Variants in ESRP1 observed in about 807,000 individuals in gnomAD.
The protein encoded by ESRP1 is RNA-binding motif protein 35A.
A neutral mutation model predicts 81.7 loss-of-function variants in ESRP1; 33 were observed. The ratio of observed to expected loss-of-function variants is 0.40; its 90% CI spans 0.31 to 0.54. ESRP1 has a LOEUF of 0.54. Among genes scored for constraint, ESRP1 ranks in the 20% least tolerant of loss-of-function variants. The pLI is 0.41. For synonymous variants in ESRP1, 320 were observed against 303.3 expected (o/e 1.06, Z -0.57); for missense variants, 672 against 833.1 (o/e 0.81, Z 2.38).
At chr8:94,652,888 T>G (rs974168126) in intron 4 of ESRP1, among the ~76,000 whole-genome samples, 2 of 152,216 alleles carry the variant, frequency 1.3e-5, no homozygotes, top group Non-Finnish European at 2.9e-5. Flanking sequence ...CTTTAAGTTA[T>G]ATGCTCTAGC....
At chr8:94,670,246 C>A (rs1227593966) in intron 10 of ESRP1, among the ~76,000 whole-genome samples, 1 of 152,172 alleles carries the variant, frequency 6.6e-6, no homozygotes, top group Non-Finnish European at 1.5e-5. Context: ...TCATTTTATT[C>A]AGTAAATATT....
In ESRP1 at chr8:94,698,871, A is replaced by T. The variant is rs149223158; in HGVS notation, c.*35+1910A>T. 6.4e-3 allele frequency among the ~76,000 whole-genome samples: 977 copies of T among 152,308 alleles called. 10 individuals carry two copies. Among genetic ancestry groups the T allele is most frequent in the African/African-American group, 0.022 (914 of 41,580 alleles). ...TGTGGAAACCCCAGTTCTAAGTTGGAAGTGAAGATTTTTTTCAGATCTGTC... is the reference window on the plus strand; with the variant it reads ...TGTGGAAACCCCAGTTCTAAGTTGGTAGTGAAGATTTTTTTCAGATCTGTC... On this transcript the variant is annotated intron_variant, in intron 15 of 15. Coordinates refer to ENST00000433389, the MANE Select transcript of ESRP1 (RefSeq NM_017697.4).
intron 10 of ESRP1, among the ~76,000 whole-genome samples, chr8:94,670,901 T>C (rs139551627): frequency 6.6e-6 from 1 of 152,374 alleles, no homozygotes; most frequent in African/African-American, 2.4e-5. Context: ...CTTGTGCTAT[T>C]ATTCAGCATT....
At chr8:94,644,743 T>C (rs1385498044) in intron 3 of ESRP1, among the ~76,000 whole-genome samples, 1 of 152,168 alleles carries the variant, frequency 6.6e-6, no homozygotes, top group African/African-American at 2.4e-5. Context: ...CCACAGCTAT[T>C]AGAATTTTGA....
intron 15 of ESRP1, among the ~76,000 whole-genome samples, chr8:94,700,937 ATG>A (rs1158857032): frequency 3.2e-5 from 4 of 125,688 alleles, no homozygotes; most frequent in South Asian, 5.0e-4. Context: ...TCAAAAAAAA[ATG>A]TGTGTGTGTG....
At chr8:94,679,861 C>CT (rs1424077619) in intron 13 of ESRP1, among the ~76,000 whole-genome samples, 3 of 151,890 alleles carry the variant, frequency 2.0e-5, no homozygotes, top group Non-Finnish European at 2.9e-5. Context: ...TTCCTTCTTT[C>CT]TTTTTTTTAA....
At chr8:94,655,784 G>T (rs1270457032) in intron 4 of ESRP1, 1 of 152,126 alleles carries the variant, frequency 6.6e-6, no homozygotes, top group African/African-American at 2.4e-5. Context: ...CCAGCTACTT[G>T]GGAGGTCGAG....
At chr8:94,704,766 G>GGAAA (rs1809991642) in intron 15 of ESRP1, among the ~76,000 whole-genome samples, 1 of 108,752 alleles carries the variant, frequency 9.2e-6, no homozygotes. Flanking sequence ...ATCTCTTTTT[G>GGAAA]AAAAAAAAAA....
chr8:94,656,294 C>A (rs1222983172), intron 4 of ESRP1: 1 of 152,166 alleles, frequency 6.6e-6, no homozygotes, highest in Non-Finnish European at 1.5e-5. Flanking sequence ...TCCCGGCTCA[C>A]TGCAAGCTCC....
At chr8:94,670,353 A>C (rs751093045) in intron 10 of ESRP1, among the ~76,000 whole-genome samples, 1 of 151,882 alleles carries the variant, frequency 6.6e-6, no homozygotes, top group African/African-American at 2.4e-5. Flanking sequence ...TTGTTCTTCT[A>C]ATGTTTTTGC....
At chr8:94,704,787 A>C (rs1046395057) in intron 15 of ESRP1, among the ~76,000 whole-genome samples, 8 of 104,716 alleles carry the variant, frequency 7.6e-5, no homozygotes, top group East Asian at 2.4e-4. Flanking sequence ...AAAAAAAAAA[A>C]AAAAAACTGC....
intron 6 of ESRP1, among the ~76,000 whole-genome samples, chr8:94,664,141 T>TTTTTG (rs138058879): frequency 0.11 from 13,133 of 122,240 alleles, 569 homozygotes; most frequent in Non-Finnish European, 0.17. Flanking sequence ...TTTTTTTTTT[T>TTTTTG]GAGAGGGAGT....
At chr8:94,687,340 G>A (rs7814238) in intron 13 of ESRP1, among the ~76,000 whole-genome samples, 51,949 of 152,010 alleles carry the variant, frequency 0.34, 9,518 homozygotes, top group East Asian at 0.56. Context: ...TCAGTTGATG[G>A]CTATTTAGAG....
At position 94,671,568 on chromosome 8, in the gene ESRP1, G is replaced by A. The variant is rs367986548; in HGVS notation, c.1349G>A (p.Arg450Gln). Residue 450 changes from arginine to glutamine, a missense_variant, in exon 11 of 16, where the codon CGA becomes CAA. Arg to Gln is a conservative substitution (Grantham distance 43). Transcript: ENST00000433389. Reference sequence around the variant, plus strand: ...AATGTTAGAGACTGTATACGCCTTCGAGGTCTTCCCTATGCAGCCACAATT... The same window carrying A: ...AATGTTAGAGACTGTATACGCCTTCAAGGTCTTCCCTATGCAGCCACAATT... ...PTNVRDCIRLRGLPYAATIED... is the reference protein window; with the variant it reads ...PTNVRDCIRLQGLPYAATIED... 6 of 1,613,692 alleles carry A rather than the reference G, an allele frequency of 3.7e-6. No homozygotes were observed. Among genetic ancestry groups the A allele is most frequent in the Non-Finnish European group, 5.1e-6 (6 of 1,179,866 alleles).
chr8:94,703,494 C>T (rs1029593744), intron 15 of ESRP1, among the ~76,000 whole-genome samples: 42 of 152,110 alleles, frequency 2.8e-4, no homozygotes, highest in Non-Finnish European at 4.7e-4. Flanking sequence ...CATTAAAAAA[C>T]GGTTCGAGAA....
intron 4 of ESRP1, among the ~76,000 whole-genome samples, chr8:94,651,394 A>G (rs556703295): frequency 1.3e-5 from 2 of 151,998 alleles, no homozygotes; most frequent in African/African-American, 4.8e-5. Context: ...TGCCAGGCCA[A>G]TGTTGTGTAT....
At position 94,671,640 on chromosome 8, in the gene ESRP1, C is replaced by T. The variant is rs762976341; in HGVS notation, c.1421C>T (p.Thr474Ile). 3 of 1,613,890 alleles carry T rather than the reference C, an allele frequency of 1.9e-6. No homozygotes were observed. Among genetic ancestry groups the T allele is most frequent in the Non-Finnish European group, 2.5e-6 (3 of 1,179,866 alleles). The change falls in exon 11 of 16, where the codon ACT becomes ATT. Residue 474 changes from threonine (T) to isoleucine (I), a missense_variant. Coordinates refer to ENST00000433389, the MANE Select transcript of ESRP1 (RefSeq NM_017697.4). Reference sequence around the variant, plus strand: ...GGGGAGTTCGCCACAGATATTCGTACTCATGGGGTTCACATGGTTTTGAAT... The same window carrying T: ...GGGGAGTTCGCCACAGATATTCGTATTCATGGGGTTCACATGGTTTTGAAT... The part of the protein sequence containing the change: ...FLGEFATDIR[T>I]HGVHMVLNHQ...
At chr8:94,702,569 A>G (rs1270575197) in intron 15 of ESRP1, among the ~76,000 whole-genome samples, 4 of 152,204 alleles carry the variant, frequency 2.6e-5, no homozygotes, top group Admixed American at 1.3e-4. Flanking sequence ...CTGAGTCCAG[A>G]ATAACAGTAA....
intron 13 of ESRP1, among the ~76,000 whole-genome samples, chr8:94,682,726 T>C (rs1432980474): frequency 6.6e-6 from 1 of 150,846 alleles, no homozygotes; most frequent in East Asian, 2.0e-4. Flanking sequence ...TTTTAATGAG[T>C]GATGTAGTCA....
Sources: allele counts gnomAD v4.1 joint callset (sites outside exome capture counted in the v4.1 genomes callset), GRCh38; gene constraint gnomAD v4.1.1; transcripts MANE v1.5; gene names NCBI Gene and HGNC (gene_info 2026-07-23, HGNC 2026-07-21).